Variants in SEC14L5 observed in about 807,000 individuals in gnomAD.
The protein encoded by SEC14L5 is SEC14-like protein 5.
In SEC14L5, 96 loss-of-function variants were observed where a neutral mutation model predicts 84.6. The observed-to-expected ratio is 1.13, with a 90% confidence interval of 0.96 to 1.34. The LOEUF (loss-of-function observed/expected upper bound fraction) is 1.34. SEC14L5 is among the 40% of genes most tolerant of loss of function. SEC14L5 has a pLI of 0.00. For missense variants in SEC14L5, 1,224 were observed against 942.5 expected, an observed-to-expected ratio of 1.30 and a Z score of -3.91; for synonymous variants, 546 against 383.4, an observed-to-expected ratio of 1.42 and a Z score of -4.95.
chr16:4,959,876 T>C (rs922821935), intron 2 of SEC14L5, among the ~76,000 whole-genome samples: 38 of 152,138 alleles, frequency 2.5e-4, no homozygotes, highest in African/African-American at 8.9e-4. Context: ...GTTCTGTATC[T>C]ACGCAGAGGT....
At chr16:4,975,405 A>G (rs139013150) in intron 2 of SEC14L5, among the ~76,000 whole-genome samples, 8,991 of 147,150 alleles carry the variant, frequency 0.061, 888 homozygotes, top group African/African-American at 0.21. Context: ...CCCGGGAGGC[A>G]GAGCTTGCAG....
Position 5,015,090 on chromosome 16 carries a change from G to T in SEC14L5, c.*120G>T, listed in dbSNP as rs190457194. 2.1e-5 allele frequency: 16 copies of T among 747,020 alleles called. No homozygotes were observed. The Admixed American group carries it at 4.0e-4, about 19-fold the overall frequency. 46.3% of individuals were successfully genotyped at this position (747,020 alleles called of 1,614,324 possible). A position where few individuals can be genotyped will look rare whatever the true frequency, so the allele number is the denominator to read the frequency against. ...GGCTGGAGCCCCAGGCCTAGATGCT[G>T]CCCAAGTTGGGGTGTCTGGAGCGGA... On this transcript the variant is annotated 3_prime_UTR_variant, in exon 16 of 16. Coordinates refer to ENST00000251170, the MANE Select transcript of SEC14L5 (RefSeq NM_014692.2).
intron 8 of SEC14L5, 79 bp from the exon 9 acceptor site, chr16:5,000,576 A>G (rs896862594): frequency 1.8e-6 from 2 of 1,101,424 alleles, no homozygotes; most frequent in Middle Eastern, 2.1e-4. Flanking sequence ...TGAAGCTCTC[A>G]CCTGCAGCTG....
chr16:4,973,535 T>C (rs1245065571), intron 2 of SEC14L5, among the ~76,000 whole-genome samples: 1 of 152,132 alleles, frequency 6.6e-6, no homozygotes, highest in Admixed American at 6.6e-5. Context: ...AGTTGGGGGG[T>C]CTACCCCATG....
intron 11 of SEC14L5, among the ~76,000 whole-genome samples, chr16:5,004,148 C>T (rs1955707062): frequency 6.6e-6 from 1 of 152,136 alleles, no homozygotes; most frequent in Admixed American, 6.5e-5. Context: ...AAAGGGACGA[C>T]AGCACCTGAG....
At chr16:4,987,835 T>G in intron 3 of SEC14L5, 129 bp downstream of exon 3, 1 of 731,708 alleles carries the variant, frequency 1.4e-6, no homozygotes, top group African/African-American at 1.8e-5. Context: ...GAGTTGATAT[T>G]TGGATGGAGG....
In SEC14L5 at chr16:4,972,904, C is replaced by T. The variant is rs75652967; in HGVS notation, c.63+13518C>T. On this transcript the variant is annotated intron_variant, in intron 2 of 15. Coordinates refer to ENST00000251170, the MANE Select transcript of SEC14L5 (RefSeq NM_014692.2). ...ATTGTCCCTTTAATTGCTGCAGCAA[C>T]TCCAGAGCCCACACTCTTAATGGCA... Among the ~76,000 whole-genome samples, 51 of 152,340 alleles carry T rather than the reference C, an allele frequency of 3.3e-4. 1 individual carries two copies. The East Asian group carries it at 3.5e-3, about 10-fold the overall frequency.
intron 8 of SEC14L5, among the ~76,000 whole-genome samples, chr16:4,999,581 C>T (rs1399429635): frequency 6.6e-6 from 1 of 151,998 alleles, no homozygotes; most frequent in Non-Finnish European, 1.5e-5. Context: ...GATCATGCCA[C>T]TGCACTCCAG....
chr16:4,989,472 G>A (rs60871257), intron 4 of SEC14L5, among the ~76,000 whole-genome samples: 7,765 of 151,928 alleles, frequency 0.051, 676 homozygotes, highest in African/African-American at 0.18. Context: ...TCAGATTCCC[G>A]TGTAGGTGGG....
At chr16:4,971,091 CAA>C (rs34842525) in intron 2 of SEC14L5, among the ~76,000 whole-genome samples, 52 of 73,852 alleles carry the variant, frequency 7.0e-4, no homozygotes, top group Admixed American at 1.0e-3. Flanking sequence ...GTGACAGAGC[CAA>C]AAAAAAAAAA....
At chr16:4,980,255 T>G (rs1955405187) in intron 2 of SEC14L5, among the ~76,000 whole-genome samples, 2 of 152,354 alleles carry the variant, frequency 1.3e-5, no homozygotes, top group Middle Eastern at 6.8e-3. Flanking sequence ...CAACTGGCTC[T>G]GGGATGGACG....
At position 5,000,648 on chromosome 16, in the gene SEC14L5, C is replaced by G; in HGVS notation, c.971-7C>G. 6.5e-7 allele frequency: 1 copy of G among 1,550,364 alleles called. No individual in the cohort carries two copies. The highest frequency in any genetic ancestry group is 1.2e-5 in the South Asian group (1 of 84,038). On this transcript the variant is annotated splice_polypyrimidine_tract_variant and splice_region_variant and intron_variant, in intron 8 of 15. Transcript: ENST00000251170. Reference sequence around the variant, plus strand: ...GCTCTTCTTTCTGCTTGGCCCCATCCACAAAGATGGCCGCCCCCTCTACAT... The same window carrying G: ...GCTCTTCTTTCTGCTTGGCCCCATCGACAAAGATGGCCGCCCCCTCTACAT...
At chr16:5,010,905 A>T in intron 14 of SEC14L5, 190 bp from the exon 15 acceptor site, 1 of 597,714 alleles carries the variant, frequency 1.7e-6, no homozygotes, top group East Asian at 2.8e-5. Context: ...GGTCCCAGGG[A>T]TATGGGGATA....
rs560062040 is a variant in SEC14L5 at position 4,964,393 on chromosome 16, C to G, written c.63+5007C>G. 2.0e-4 allele frequency among the ~76,000 whole-genome samples: 31 copies of G among 152,184 alleles called. 1 individual carries two copies. In the Middle Eastern group the frequency reaches 0.017, roughly 83 times the overall value. ...CATGAGGTTTGGAGATCAAGACCATCCTGACCAACATGGAGAAACCCCGTC... is the reference window on the plus strand; with the variant it reads ...CATGAGGTTTGGAGATCAAGACCATGCTGACCAACATGGAGAAACCCCGTC... On this transcript the variant is annotated intron_variant, in intron 2 of 15. Coordinates refer to ENST00000251170, the MANE Select transcript of SEC14L5 (RefSeq NM_014692.2).
At chr16:5,007,275 C>T in intron 12 of SEC14L5, 77 bp from the exon 13 acceptor site, 1 of 1,428,394 alleles carries the variant, frequency 7.0e-7, no homozygotes, top group Non-Finnish European at 9.6e-7. Context: ...TTGGGGGTCA[C>T]ACATCACCCT....
intron 6 of SEC14L5, among the ~76,000 whole-genome samples, chr16:4,993,759 A>C (rs1955577403): frequency 6.6e-6 from 1 of 152,202 alleles, no homozygotes; most frequent in African/African-American, 2.4e-5. Flanking sequence ...TTTAACCATT[A>C]GGCTTCCAAT....
chr16:5,012,898 GAAAAA>G (rs1258191847), intron 15 of SEC14L5, among the ~76,000 whole-genome samples: 1 of 38,830 alleles, frequency 2.6e-5, no homozygotes, highest in Non-Finnish European at 4.5e-5. Flanking sequence ...GTCTCAAAAA[GAAAAA>G]GGAAAAAAAA....
Position 5,011,233 on chromosome 16 carries a change from C to T in SEC14L5, c.1939C>T (p.Leu647Phe), listed in dbSNP as rs375451376. The T allele has an allele frequency of 2.4e-5, 38 of 1,613,796 alleles. No individual in the cohort carries two copies. The highest frequency in any genetic ancestry group is 3.2e-5 in the Non-Finnish European group (38 of 1,179,898). The part of the protein sequence containing the change: ...ALHSPGPKCK[L>F]LYYCEVLASE... ...GCACAGCCCCGGGCCCAAGTGCAAA[C>T]TTCTCTACTACTGTGAGGTGCTCGC... Residue 647 changes from leucine (L) to phenylalanine (F), a missense_variant, in exon 15 of 16, where the codon CTT (leucine) becomes TTT (phenylalanine). Leu to Phe is a conservative substitution (Grantham distance 22, BLOSUM62 0). Coordinates refer to ENST00000251170, the MANE Select transcript of SEC14L5 (RefSeq NM_014692.2).
chr16:4,974,571 T>C (rs1327687718), intron 2 of SEC14L5, among the ~76,000 whole-genome samples: 2 of 147,360 alleles, frequency 1.4e-5, no homozygotes, highest in African/African-American at 2.5e-5. Flanking sequence ...TAAAAAAACA[T>C]TTATTTTTAT....
Sources: gnomAD v4.1 joint callset for allele counts (sites outside exome capture counted in the v4.1 genomes callset) on GRCh38, gnomAD v4.1.1 for gene constraint, MANE v1.5 for transcripts, NCBI Gene and HGNC (gene_info 2026-07-23, HGNC 2026-07-21) for gene names.